Variants in TAFA4 observed in about 807,000 individuals in gnomAD.
The protein encoded by TAFA4 is TAFA chemokine like family member 4, also known as chemokine-like protein TAFA-4.
A neutral mutation model predicts 21.1 loss-of-function variants in TAFA4; 20 were observed. The observed-to-expected ratio is 0.95, with a 90% CI of 0.67 to 1.38. TAFA4 has a LOEUF of 1.38. Among genes scored for constraint, TAFA4 ranks in the 40% most tolerant of loss-of-function variants. TAFA4 has a pLI of 0.00. For missense variants in TAFA4, 211 were observed against 180.9 expected, an observed-to-expected ratio of 1.17 and a Z score of -0.95; for synonymous variants, 71 against 67.4, an observed-to-expected ratio of 1.05 and a Z score of -0.26.
At chr3:68,814,135 C>G (rs1017263382) in intron 3 of TAFA4, among the ~76,000 whole-genome samples, 2 of 152,164 alleles carry the variant, frequency 1.3e-5, no homozygotes, top group African/African-American at 4.8e-5. Flanking sequence ...GCTAAAAACT[C>G]TCAATAAATT....
chr3:68,746,239 G>A lies in TAFA4; in HGVS notation c.286+6624C>T, dbSNP rs183619415. 9.2e-5 allele frequency among the ~76,000 whole-genome samples: 14 copies of A among 152,188 alleles called. No individual in the cohort carries two copies. The East Asian group carries it at 1.7e-3, about 19-fold the overall frequency. Reference sequence around the variant, plus strand: ...GTTTTGGGTCTAGGACTGGCTTCCCGGCTCCTCAGCTTGCAGACAGCCACT... The same window carrying A: ...GTTTTGGGTCTAGGACTGGCTTCCCAGCTCCTCAGCTTGCAGACAGCCACT... On this transcript the variant is annotated intron_variant, in intron 4 of 5. Coordinates refer to ENST00000295569, the MANE Select transcript of TAFA4 (RefSeq NM_182522.5).
intron 3 of TAFA4, among the ~76,000 whole-genome samples, chr3:68,824,192 A>G (rs1277690779): frequency 6.6e-6 from 1 of 152,240 alleles, no homozygotes. Flanking sequence ...TTTTTCTATT[A>G]CTGCTATAAC....
intron 3 of TAFA4, among the ~76,000 whole-genome samples, chr3:68,856,443 T>C (rs935712352): frequency 3.3e-5 from 5 of 152,156 alleles, no homozygotes; most frequent in African/African-American, 9.7e-5. Context: ...CCAAAGATTA[T>C]ATTCCCAAAC....
chr3:68,927,340 GA>G (rs1486322647), intron 1 of TAFA4, among the ~76,000 whole-genome samples: 5 of 152,120 alleles, frequency 3.3e-5, no homozygotes, highest in Admixed American at 6.5e-5. Context: ...AATTTTCAGA[GA>G]AAACTTTAGA....
chr3:68,908,522 GAA>G (rs5849869), intron 1 of TAFA4, among the ~76,000 whole-genome samples: 106 of 147,242 alleles, frequency 7.2e-4, no homozygotes, highest in East Asian at 2.2e-3. Flanking sequence ...AAGCAAAAGT[GAA>G]AAAAAAAAAA....
intron 3 of TAFA4, among the ~76,000 whole-genome samples, chr3:68,800,172 C>T (rs1703545980): frequency 6.6e-6 from 1 of 152,022 alleles, no homozygotes; most frequent in Non-Finnish European, 1.5e-5. Flanking sequence ...AAATGTAATG[C>T]ACTTGAATTA....
intron 3 of TAFA4, among the ~76,000 whole-genome samples, chr3:68,879,026 C>A (rs2089585745): frequency 6.6e-6 from 1 of 152,106 alleles, no homozygotes; most frequent in African/African-American, 2.4e-5. Context: ...CTTGTTTACA[C>A]ACAGCAATCA....
intron 3 of TAFA4, among the ~76,000 whole-genome samples, chr3:68,759,345 C>A (rs1445303443): frequency 6.6e-6 from 1 of 152,230 alleles, no homozygotes; most frequent in Non-Finnish European, 1.5e-5. Flanking sequence ...CTGGGTACCT[C>A]ATGGCCCAGT....
intron 3 of TAFA4, among the ~76,000 whole-genome samples, chr3:68,766,629 A>G (rs2106775702): frequency 6.6e-6 from 1 of 152,242 alleles, no homozygotes; most frequent in East Asian, 1.9e-4. Flanking sequence ...TACTTAGAGA[A>G]ACAATCCAGA....
At chr3:68,794,107 T>C (rs948865624) in intron 3 of TAFA4, among the ~76,000 whole-genome samples, 4 of 152,226 alleles carry the variant, frequency 2.6e-5, no homozygotes, top group Non-Finnish European at 4.4e-5. Flanking sequence ...TTGAAAATTC[T>C]AATATCTTTT....
At chr3:68,850,746 A>G (rs1173532140) in intron 3 of TAFA4, among the ~76,000 whole-genome samples, 1 of 148,162 alleles carries the variant, frequency 6.7e-6, no homozygotes, top group African/African-American at 2.5e-5. Flanking sequence ...TTTTTCTTGT[A>G]TATTTATTTA....
chr3:68,760,171 T>C (rs1702734951), intron 3 of TAFA4, among the ~76,000 whole-genome samples: 2 of 152,216 alleles, frequency 1.3e-5, no homozygotes, highest in South Asian at 4.1e-4. Context: ...AGTGTTATGA[T>C]AATCCTTACA....
At chr3:68,815,379 G>T (rs527249430) in intron 3 of TAFA4, among the ~76,000 whole-genome samples, 2 of 152,090 alleles carry the variant, frequency 1.3e-5, no homozygotes, top group Admixed American at 6.6e-5. Flanking sequence ...AACAGGCAGC[G>T]TACAGAATGG....
intron 3 of TAFA4, among the ~76,000 whole-genome samples, chr3:68,774,073 T>A (rs1022227798): frequency 6.6e-6 from 1 of 151,864 alleles, no homozygotes; most frequent in Non-Finnish European, 1.5e-5. Flanking sequence ...GGCCTGGGGG[T>A]AGACATTAGA....
intron 1 of TAFA4, among the ~76,000 whole-genome samples, chr3:68,888,729 A>C (rs1367202541): frequency 6.6e-6 from 1 of 152,140 alleles, no homozygotes; most frequent in Non-Finnish European, 1.5e-5. Flanking sequence ...GAAGGGAAAG[A>C]GTGCTCAAGA....
chr3:68,779,848 T>A (rs1703122872), intron 3 of TAFA4, among the ~76,000 whole-genome samples: 1 of 152,106 alleles, frequency 6.6e-6, no homozygotes, highest in Non-Finnish European at 1.5e-5. Context: ...AGTGGAGCTA[T>A]GAGAAGAGGA....
chr3:68,763,716 A>G (rs892259502), intron 3 of TAFA4, among the ~76,000 whole-genome samples: 3 of 152,140 alleles, frequency 2.0e-5, no homozygotes, highest in African/African-American at 7.2e-5. Context: ...AGTTTTCTTA[A>G]TCAGAAGTCT....
At chr3:68,810,757 C>A (rs1703817580) in intron 3 of TAFA4, among the ~76,000 whole-genome samples, 2 of 152,216 alleles carry the variant, frequency 1.3e-5, no homozygotes, top group Admixed American at 1.3e-4. Context: ...CAGGGCATAG[C>A]CAAACAAAAG....
intron 3 of TAFA4, among the ~76,000 whole-genome samples, chr3:68,794,112 T>A (rs1466587050): frequency 1.3e-5 from 2 of 152,222 alleles, no homozygotes; most frequent in East Asian, 3.8e-4. Flanking sequence ...AATTCTAATA[T>A]CTTTTTGCCA....
Sources: gnomAD v4.1 joint callset for allele counts (sites outside exome capture counted in the v4.1 genomes callset) on GRCh38, gnomAD v4.1.1 for gene constraint, MANE v1.5 for transcripts, NCBI Gene and HGNC (gene_info 2026-07-23, HGNC 2026-07-21) for gene names.